CNTLN: variants seen among roughly 807,000 people sequenced by gnomAD.
CNTLN encodes centlein, centrosomal protein.
In CNTLN, 212 loss-of-function variants were observed where a neutral mutation model predicts 180.0. The ratio of observed to expected loss-of-function variants is 1.18; its 90% CI spans 1.05 to 1.32. The LOEUF is 1.32. CNTLN is among the 40% of genes most tolerant of loss of function. The probability of loss-of-function intolerance (pLI) is 0.00; values close to 1 mark genes in which losing one functional copy is unlikely to be tolerated. For synonymous variants in CNTLN, 722 were observed against 563.1 expected (o/e 1.28, Z -3.99); for missense variants, 2,095 against 1,610.9 (o/e 1.30, Z -5.14).
intron 18 of CNTLN, among the ~76,000 whole-genome samples, chr9:17,419,066 G>C (rs1828493121): frequency 6.6e-6 from 1 of 151,954 alleles, no homozygotes; most frequent in South Asian, 2.1e-4. Context: ...CAAGATAATA[G>C]ATTTTTTACA....
Position 17,198,899 on chromosome 9 carries a change from T to C in CNTLN, c.450-27304T>C, listed in dbSNP as rs532868384. Among the ~76,000 whole-genome samples, 4 of 152,312 alleles carry C rather than the reference T, an allele frequency of 2.6e-5. No individual in the cohort carries two copies. In the South Asian group the frequency reaches 6.2e-4, roughly 24 times the overall value. Reference sequence around the variant, plus strand: ...GCTTCATAGTATTCTATGGTGTATATGTGCCACATTTTCTATATCCAGTGT... The same window carrying C: ...GCTTCATAGTATTCTATGGTGTATACGTGCCACATTTTCTATATCCAGTGT... On this transcript the variant is annotated intron_variant, in intron 2 of 25. Coordinates refer to ENST00000380647, the MANE Select transcript of CNTLN (RefSeq NM_017738.4).
At chr9:17,372,280 T>C (rs575465969) in intron 13 of CNTLN, among the ~76,000 whole-genome samples, 1 of 152,242 alleles carries the variant, frequency 6.6e-6, no homozygotes, top group African/African-American at 2.4e-5. Context: ...TTACAACAGA[T>C]ACTGCAGAAA....
intron 18 of CNTLN, among the ~76,000 whole-genome samples, chr9:17,443,175 A>T (rs1416951960): frequency 6.6e-6 from 1 of 152,216 alleles, no homozygotes; most frequent in Non-Finnish European, 1.5e-5. Flanking sequence ...GCACATTAAT[A>T]TAAGAGACAG....
chr9:17,443,351 C>T (rs1437985797), intron 18 of CNTLN, among the ~76,000 whole-genome samples: 5 of 152,032 alleles, frequency 3.3e-5, no homozygotes, highest in African/African-American at 1.2e-4. Context: ...TCATATTCAC[C>T]AGCAATCAAC....
intron 23 of CNTLN, among the ~76,000 whole-genome samples, chr9:17,481,923 C>T (rs1183175573): frequency 6.6e-6 from 1 of 152,164 alleles, no homozygotes; most frequent in Non-Finnish European, 1.5e-5. Context: ...TGTTCAGATC[C>T]AAAGGTTGGA....
intron 2 of CNTLN, among the ~76,000 whole-genome samples, chr9:17,192,951 TGGTG>T (rs150036583): frequency 0.012 from 1,889 of 152,160 alleles, 40 homozygotes; most frequent in African/African-American, 0.043. Flanking sequence ...CTCAGAATCA[TGGTG>T]GGAGGCAAAA....
At chr9:17,217,269 G>T (rs1376742381) in intron 2 of CNTLN, among the ~76,000 whole-genome samples, 2 of 152,202 alleles carry the variant, frequency 1.3e-5, no homozygotes, top group African/African-American at 4.8e-5. Flanking sequence ...TAAAATAATT[G>T]TGATCACCTT....
chr9:17,338,771 A>G (rs987283698), intron 10 of CNTLN, among the ~76,000 whole-genome samples: 2 of 152,182 alleles, frequency 1.3e-5, no homozygotes, highest in African/African-American at 4.8e-5. Context: ...GTCTTAGAAG[A>G]AGAGATATAA....
chr9:17,522,723 G>A, the CNTLN span, among the ~76,000 whole-genome samples: 2 of 151,462 alleles, frequency 1.3e-5, no homozygotes, highest in Non-Finnish European at 2.9e-5. Context: ...ACACACGTGA[G>A]ACTAAACTAA....
At chr9:17,198,430 G>A (rs1930592) in intron 2 of CNTLN, among the ~76,000 whole-genome samples, 39,594 of 135,180 alleles carry the variant, frequency 0.29, 7,519 homozygotes, top group African/African-American at 0.55. Flanking sequence ...TCTTTAATCA[G>A]TGTTCTATAG....
intron 2 of CNTLN, among the ~76,000 whole-genome samples, chr9:17,144,883 A>G (rs1052180390): frequency 1.3e-5 from 2 of 150,246 alleles, no homozygotes; most frequent in Non-Finnish European, 3.0e-5. Context: ...CGCCCAGGCC[A>G]GACTGCGGAC....
intron 18 of CNTLN, among the ~76,000 whole-genome samples, chr9:17,442,379 CAAATGT>C (rs1376625987): frequency 6.6e-6 from 1 of 152,146 alleles, no homozygotes; most frequent in African/African-American, 2.4e-5. Context: ...GTAAAATCCA[CAAATGT>C]GTAGAAATTA....
At chr9:17,458,069 C>T (rs1280865337) in intron 19 of CNTLN, among the ~76,000 whole-genome samples, 2 of 151,974 alleles carry the variant, frequency 1.3e-5, no homozygotes, top group East Asian at 3.9e-4. Flanking sequence ...CTTTTCTCTA[C>T]ATACTTCCAG....
At chr9:17,332,819 C>A (rs1421994893) in intron 10 of CNTLN, 89 bp downstream of exon 10, 21 of 1,042,464 alleles carry the variant, frequency 2.0e-5, no homozygotes, top group Non-Finnish European at 2.7e-5. Flanking sequence ...ACTAGTTGTC[C>A]TTTTTCTTTC....
chr9:17,351,713 A>G (rs6475143), intron 12 of CNTLN, among the ~76,000 whole-genome samples: 90,987 of 151,988 alleles, frequency 0.6, 27,494 homozygotes, highest in East Asian at 0.73. Context: ...ACTCATAAAC[A>G]TCTGCATCCA....
rs938471337 is a variant in CNTLN at position 17,340,925 on chromosome 9, A to G, written c.1743A>G (p.Lys581=). The change falls in exon 11 of 26, where the codon AAA becomes AAG. Residue 581 remains lysine, a synonymous_variant. Transcript: ENST00000380647. ...ACAGAGCAGTAAAAGAGCAATTAAA[A>G]CAGTGGGAAGAAGGCAGTGGCATGT... ...TNYRAVKEQL[K]QWEEGSGMTE... 1 of 1,611,068 alleles carries G rather than the reference A, an allele frequency of 6.2e-7. No homozygotes were observed. The highest frequency in any genetic ancestry group is 1.1e-5 in the South Asian group (1 of 90,638).
downstream of CNTLN, among the ~76,000 whole-genome samples, chr9:17,505,774 A>AT (rs1388513749): frequency 1.3e-5 from 2 of 152,088 alleles, no homozygotes; most frequent in Non-Finnish European, 2.9e-5. Context: ...AATAGAGAAC[A>AT]TTTTTCTAAA....
chr9:17,514,432 G>A, the CNTLN span, among the ~76,000 whole-genome samples: 1 of 152,082 alleles, frequency 6.6e-6, no homozygotes, highest in Non-Finnish European at 1.5e-5. Flanking sequence ...CATTAACATC[G>A]ATCTAGCCTC....
intron 23 of CNTLN, among the ~76,000 whole-genome samples, chr9:17,477,629 C>G (rs1832422264): frequency 6.6e-6 from 1 of 152,108 alleles, no homozygotes; most frequent in African/African-American, 2.4e-5. Flanking sequence ...TAGAAATAGC[C>G]AGTGAACTAA....
Sources: allele counts gnomAD v4.1 joint callset (sites outside exome capture counted in the v4.1 genomes callset), GRCh38; gene constraint gnomAD v4.1.1; transcripts MANE v1.5; gene names NCBI Gene and HGNC (gene_info 2026-07-23, HGNC 2026-07-21).